MOK: variants seen among roughly 807,000 people sequenced by gnomAD.
MOK encodes MOK protein kinase.
In MOK, 59 loss-of-function variants were observed where a neutral mutation model predicts 54.2. That is an observed-to-expected ratio of 1.09 (90% CI 0.88 to 1.35). The LOEUF (loss-of-function observed/expected upper bound fraction) is 1.35. MOK is among the 40% of genes most tolerant of loss of function. MOK has a pLI of 0.00. For missense variants in MOK, 517 were observed against 526.2 expected (o/e 0.98, Z 0.17); for synonymous variants, 210 against 202.7 (o/e 1.04, Z -0.31).
chr14:102,224,807 AT>A (rs759655933), downstream of MOK: 1 of 456,090 alleles, frequency 2.2e-6, no homozygotes, highest in Non-Finnish European at 4.4e-6. Flanking sequence ...AGAAAGAGAA[AT>A]AATAAAAGAC....
downstream of MOK, among the ~76,000 whole-genome samples, chr14:102,228,309 G>A (rs538103609): frequency 3.3e-5 from 5 of 152,322 alleles, no homozygotes; most frequent in South Asian, 2.1e-4. Flanking sequence ...CCTGTGCCCC[G>A]CACCACCTCG....
Position 102,255,687 on chromosome 14 carries a change from G to A in MOK, c.284-3692C>T, listed in dbSNP as rs114496579. Among the ~76,000 whole-genome samples the A allele has an allele frequency of 4.6e-3, 705 of 152,190 alleles. 6 individuals are homozygous for A. The highest frequency in any genetic ancestry group is 0.016 in the African/African-American group (654 of 41,516). ...TAAGCTTCTCCAGAACAAACTTTCC[G>A]GGCCCAAGACTATCTGGTTCCCATC... is the stretch of plus-strand genomic sequence containing the variant. On this transcript the variant is annotated intron_variant, in intron 4 of 11. Coordinates refer to ENST00000361847, the MANE Select transcript of MOK (RefSeq NM_014226.3).
At chr14:102,257,870 G>A (rs1343838944) in intron 4 of MOK, among the ~76,000 whole-genome samples, 5 of 151,958 alleles carry the variant, frequency 3.3e-5, no homozygotes, top group African/African-American at 1.2e-4. Flanking sequence ...CCAGCTACTT[G>A]GGAGCCTGAG....
chr14:102,233,310 G>C (rs112377414), intron 8 of MOK: 7 of 181,304 alleles, frequency 3.9e-5, no homozygotes, highest in African/African-American at 1.6e-4. Flanking sequence ...TCTTCCAGGC[G>C]TCGGTCCCGC....
chr14:102,296,215 C>A (rs1425393849), intron 1 of MOK, among the ~76,000 whole-genome samples: 1 of 143,878 alleles, frequency 7.0e-6, no homozygotes, highest in African/African-American at 2.6e-5. Context: ...CACTGCACTC[C>A]AGCCTGGGCA....
At chr14:102,237,859 T>C (rs995614249) in intron 7 of MOK, among the ~76,000 whole-genome samples, 5 of 152,156 alleles carry the variant, frequency 3.3e-5, no homozygotes, top group South Asian at 4.1e-4. Flanking sequence ...GAAACTAACA[T>C]TGAGTCAAAA....
chr14:102,271,590 G>A (rs549009967), intron 2 of MOK, among the ~76,000 whole-genome samples: 3 of 151,796 alleles, frequency 2.0e-5, no homozygotes, highest in Non-Finnish European at 2.9e-5. Flanking sequence ...ACAGATTCTC[G>A]CTCTGTTGCC....
chr14:102,272,021 G>A (rs1003619575), intron 2 of MOK, among the ~76,000 whole-genome samples: 1 of 151,992 alleles, frequency 6.6e-6, no homozygotes, highest in Non-Finnish European at 1.5e-5. Context: ...TGGGACCACA[G>A]GTGCCTGCCA....
intron 2 of MOK, among the ~76,000 whole-genome samples, chr14:102,266,114 T>TA (rs1158189365): frequency 6.6e-6 from 1 of 152,220 alleles, no homozygotes; most frequent in Non-Finnish European, 1.5e-5. Flanking sequence ...AGCTAGAACA[T>TA]ACGTTAAAAT....
chr14:102,281,234 G>T (rs915291793), intron 2 of MOK, among the ~76,000 whole-genome samples: 2 of 151,762 alleles, frequency 1.3e-5, no homozygotes, highest in African/African-American at 4.8e-5. Flanking sequence ...TGAGGCAGGA[G>T]AATTGCTTGA....
chr14:102,233,348 G>A (rs1316778269), intron 8 of MOK: 1 of 222,720 alleles, frequency 4.5e-6, no homozygotes. Flanking sequence ...GCTGCAGAAA[G>A]CCCTCACCAC....
At chr14:102,283,063 A>G (rs2069632348) in intron 2 of MOK, 1 of 151,970 alleles carries the variant, frequency 6.6e-6, no homozygotes, top group South Asian at 2.1e-4. Flanking sequence ...CCAAAAAAAA[A>G]AAAAAAAAAA....
rs1269582317 is a variant in MOK, at chr14:102,245,402, A to G, written c.590+5410T>C. 6.6e-6 allele frequency among the ~76,000 whole-genome samples: 1 copy of G among 152,126 alleles called. No individual in the cohort carries two copies. The highest frequency in any genetic ancestry group is 1.5e-5 in the Non-Finnish European group (1 of 68,016). On this transcript the variant is annotated intron_variant, in intron 7 of 11. Coordinates refer to ENST00000361847, the MANE Select transcript of MOK (RefSeq NM_014226.3). This position sits in a 1 kb window ranked among gnomAD's most constrained non-coding sequence, Gnocchi z 4.3. ...TTCTTATTAATATAAGAAGACAGGA[A>G]TGTCAGGCCTCTAAGCCCAAGCCTG... is the stretch of plus-strand genomic sequence containing the variant.
chr14:102,290,449 A>G (rs1027428003), intron 1 of MOK, among the ~76,000 whole-genome samples: 1 of 152,166 alleles, frequency 6.6e-6, no homozygotes, highest in Non-Finnish European at 1.5e-5. Context: ...TCAAAAAAAA[A>G]AGAGAGAAAC....
chr14:102,232,652 A>G lies in MOK; in HGVS notation c.749T>C (p.Leu250Pro). The G allele has an allele frequency of 6.2e-7, 1 of 1,614,116 alleles. No individual in the cohort carries two copies. The stretch of plus-strand genomic sequence containing the variant: ...GCATTGTGGGGACAAATTGGTTGTT[A>G]GTAGAGGTATTCCTGATCCCTTTTT... ...PFKKGSGIPL[L>P]TTNLSPQCLS... Residue 250 changes from leucine to proline, a missense_variant, in exon 9 of 12, where the codon CTA (leucine) becomes CCA (proline). Coordinates refer to ENST00000361847, the MANE Select transcript of MOK (RefSeq NM_014226.3). The surrounding 1 kb of genome is among the most constrained non-coding windows in gnomAD (Gnocchi z 5.1).
chr14:102,288,834 T>A (rs1674841361), intron 1 of MOK, among the ~76,000 whole-genome samples: 1 of 152,210 alleles, frequency 6.6e-6, no homozygotes, highest in Admixed American at 6.5e-5. Context: ...TGCTTCTTGA[T>A]CTGGAAGCAG....
intron 1 of MOK, 84 bp from the exon 2 acceptor site, chr14:102,283,676 T>C (rs1785571561): frequency 3.8e-6 from 3 of 789,024 alleles, no homozygotes; most frequent in Admixed American, 2.5e-5. Context: ...TTTTAATCTA[T>C]AAGATAATTT....
At chr14:102,293,627 G>A (rs2153187118) in intron 1 of MOK, among the ~76,000 whole-genome samples, 1 of 149,074 alleles carries the variant, frequency 6.7e-6, no homozygotes, top group African/African-American at 2.5e-5. Flanking sequence ...GAACCCAGGA[G>A]GCGGAGGTTG....
intron 2 of MOK, among the ~76,000 whole-genome samples, chr14:102,267,530 C>T (rs978070215): frequency 6.6e-6 from 1 of 152,198 alleles, no homozygotes; most frequent in Non-Finnish European, 1.5e-5. Flanking sequence ...TGTGCCATTG[C>T]ACTCCAGCCT....
Sources: gnomAD v4.1 joint callset for allele counts (sites outside exome capture counted in the v4.1 genomes callset) on GRCh38, gnomAD v4.1.1 for gene constraint, Gnocchi (gnomAD v3.1) non-coding constraint, MANE v1.5 for transcripts, NCBI Gene and HGNC (gene_info 2026-07-23, HGNC 2026-07-21) for gene names.